The following NRCAM variants were observed in gnomAD, a reference collection of about 807,000 sequenced individuals.
NRCAM encodes the protein NgCAM-related cell adhesion molecule.
Under a neutral mutation model 156.5 loss-of-function variants are expected in NRCAM, and 83 were observed. The observed-to-expected ratio is 0.53, with a 90% CI of 0.44 to 0.64. The LOEUF (loss-of-function observed/expected upper bound fraction) is 0.64, where lower values mean the gene tolerates loss of function less well. Among genes scored for constraint, NRCAM ranks in the 30% least tolerant of loss-of-function variants. The pLI, the probability that NRCAM is intolerant of heterozygous loss-of-function variation, is 0.00. For synonymous variants in NRCAM, 538 were observed against 563.9 expected, an observed-to-expected ratio of 0.95 and a Z score of 0.65; for missense variants, 1,417 against 1,597.3, an observed-to-expected ratio of 0.89 and a Z score of 1.92.
intron 1 of NRCAM, among the ~76,000 whole-genome samples, chr7:108,447,259 CTTT>C (rs34273772): frequency 9.5e-5 from 8 of 84,238 alleles, no homozygotes; most frequent in East Asian, 7.8e-4. Flanking sequence ...TCACTTCTTT[CTTT>C]TTTTTTTTTT....
intron 13 of NRCAM, among the ~76,000 whole-genome samples, chr7:108,200,909 C>T (rs557807684): frequency 6.6e-6 from 1 of 152,158 alleles, no homozygotes; most frequent in East Asian, 1.9e-4. Context: ...ATTATATGTT[C>T]TCACTCATAA....
intron 3 of NRCAM, among the ~76,000 whole-genome samples, chr7:108,269,139 C>T (rs1202822048): frequency 6.8e-6 from 1 of 146,936 alleles, no homozygotes; most frequent in Non-Finnish European, 1.5e-5. Flanking sequence ...ATCAAAAACT[C>T]GAATCATGTC....
At chr7:108,455,986 C>T (rs1856937797) in intron 1 of NRCAM, among the ~76,000 whole-genome samples, 1 of 152,206 alleles carries the variant, frequency 6.6e-6, no homozygotes, top group African/African-American at 2.4e-5. Context: ...TGCTGGATTT[C>T]AGCTGTGCCT....
At chr7:108,388,517 C>T (rs2099748892) in intron 2 of NRCAM, among the ~76,000 whole-genome samples, 1 of 152,158 alleles carries the variant, frequency 6.6e-6, no homozygotes, top group African/African-American at 2.4e-5. Context: ...GTTGCCTGTT[C>T]ACTCTGATGG....
Position 108,315,901 on chromosome 7 carries a change from T to C in NRCAM, c.-173-3170A>G, listed in dbSNP as rs571233037. Among the ~76,000 whole-genome samples the C allele has an allele frequency of 9.8e-5, 15 of 152,374 alleles. No homozygotes were observed. The South Asian group carries it at 3.1e-3, about 32-fold the overall frequency. ...CACTATCATTTGCTACCTTGTAGAC[T>C]GATGCAAACATCCAATAGTGAGCAA... On this transcript the variant is annotated intron_variant, in intron 2 of 32. Transcript: ENST00000379028.
At chr7:108,396,038 C>T (rs1276204515) in intron 2 of NRCAM, among the ~76,000 whole-genome samples, 1 of 152,196 alleles carries the variant, frequency 6.6e-6, no homozygotes, top group Non-Finnish European at 1.5e-5. Flanking sequence ...AATGTCTCCC[C>T]ACAGCACTCA....
chr7:108,395,833 C>T (rs1033983224), intron 2 of NRCAM, among the ~76,000 whole-genome samples: 8 of 152,178 alleles, frequency 5.3e-5, no homozygotes, highest in Non-Finnish European at 1.0e-4. Context: ...GTCCTTTACC[C>T]ATGGTAAGAT....
At chr7:108,157,321 G>A (rs1216472638) in intron 32 of NRCAM, among the ~76,000 whole-genome samples, 1 of 152,018 alleles carries the variant, frequency 6.6e-6, no homozygotes, top group African/African-American at 2.4e-5. Context: ...TACCAACATA[G>A]CACATATAAA....
At chr7:108,334,621 C>T (rs918707374) in intron 2 of NRCAM, among the ~76,000 whole-genome samples, 13 of 152,152 alleles carry the variant, frequency 8.5e-5, no homozygotes, top group African/African-American at 3.1e-4. Flanking sequence ...TCCATTTGCC[C>T]CATGACAATT....
chr7:108,396,894 C>A (rs1267703039), intron 2 of NRCAM, among the ~76,000 whole-genome samples: 1 of 151,842 alleles, frequency 6.6e-6, no homozygotes, highest in African/African-American at 2.4e-5. Context: ...ATAAAGGCTG[C>A]CAAAAACAAA....
At chr7:108,250,157 G>A (rs1477939186) in intron 3 of NRCAM, among the ~76,000 whole-genome samples, 1 of 152,152 alleles carries the variant, frequency 6.6e-6, no homozygotes, top group Non-Finnish European at 1.5e-5. Context: ...AATAGCTCAT[G>A]CCTCTAATCC....
rs67133820 is a variant in NRCAM at position 108,209,177 on chromosome 7, T to C, written c.1075+244A>G. Among the ~76,000 whole-genome samples the C allele has an allele frequency of 0.24, 36,433 of 152,074 alleles. 4,606 individuals are homozygous for C. Among genetic ancestry groups the C allele is most frequent in the Non-Finnish European group, 0.28 (19,024 of 67,970 alleles). On this transcript the variant is annotated intron_variant, in intron 12 of 32. Coordinates refer to ENST00000379028, the MANE Select transcript of NRCAM (RefSeq NM_001037132.4). ...ATTACTGTGGGATTCTAATATTGAC[T>C]TTTCTATTTCCTTCATTATTCCTAT...
chr7:108,319,228 A>G (rs1293385043), intron 2 of NRCAM, among the ~76,000 whole-genome samples: 3 of 152,242 alleles, frequency 2.0e-5, no homozygotes. Flanking sequence ...TGATATTTGT[A>G]GGAAAAAAAT....
chr7:108,388,361 T>C (rs1043240521), intron 2 of NRCAM, among the ~76,000 whole-genome samples: 2 of 152,238 alleles, frequency 1.3e-5, no homozygotes, highest in Non-Finnish European at 2.9e-5. Context: ...TGTCTTCTTT[T>C]GAGAAATGTC....
intron 3 of NRCAM, among the ~76,000 whole-genome samples, chr7:108,307,902 A>G (rs533460692): frequency 6.6e-6 from 1 of 152,286 alleles, no homozygotes; most frequent in Admixed American, 6.5e-5. Context: ...ATGATAAAAT[A>G]CCCGCAGAAC....
intron 2 of NRCAM, among the ~76,000 whole-genome samples, chr7:108,331,700 G>A (rs906382941): frequency 6.6e-6 from 1 of 152,188 alleles, no homozygotes; most frequent in South Asian, 2.1e-4. Context: ...TGAATGAAAA[G>A]ATGTGTAGAT....
intron 3 of NRCAM, among the ~76,000 whole-genome samples, chr7:108,272,671 A>G (rs142734836): frequency 2.3e-4 from 35 of 152,084 alleles, no homozygotes; most frequent in Admixed American, 2.2e-3. Context: ...TAACATATAT[A>G]TATCACTTTG....
chr7:108,377,274 C>G (rs17155613), intron 2 of NRCAM, among the ~76,000 whole-genome samples: 20,008 of 152,142 alleles, frequency 0.13, 2,017 homozygotes, highest in African/African-American at 0.28. Context: ...CACACAAAAA[C>G]TCACTTAGCA....
chr7:108,178,289 C>A, intron 25 of NRCAM, 177 bp from the exon 26 acceptor site: 1 of 574,556 alleles, frequency 1.7e-6, no homozygotes, highest in Non-Finnish European at 3.1e-6. Flanking sequence ...TTATTCTCTT[C>A]CTTTTTCTCT....
Sources: allele counts gnomAD v4.1 joint callset (sites outside exome capture counted in the v4.1 genomes callset), GRCh38; gene constraint gnomAD v4.1.1; transcripts MANE v1.5; gene names NCBI Gene and HGNC (gene_info 2026-07-23, HGNC 2026-07-21).